The following FGD5 variants were observed in gnomAD, a reference collection of about 807,000 sequenced individuals.
The protein encoded by FGD5 is FYVE, RhoGEF and PH domain-containing protein 5.
In FGD5, 28 loss-of-function variants were observed where a neutral mutation model predicts 133.4. The observed-to-expected ratio is 0.21, with a 90% CI of 0.16 to 0.29. The LOEUF (loss-of-function observed/expected upper bound fraction) is 0.29. Ranked by LOEUF, FGD5 falls within the 10% of genes least tolerant of loss-of-function variation. The pLI, the probability that FGD5 is intolerant of heterozygous loss-of-function variation, is 1.00. For synonymous variants in FGD5, 810 were observed against 776.5 expected (o/e 1.04, Z -0.72); for missense variants, 1,858 against 1,895.2 (o/e 0.98, Z 0.36).
At chr3:14,915,555 A>G (rs969138511) in intron 11 of FGD5, among the ~76,000 whole-genome samples, 3 of 152,136 alleles carry the variant, frequency 2.0e-5, no homozygotes, top group Non-Finnish European at 4.4e-5. Flanking sequence ...TGTTGGCACC[A>G]TGTGTAGAGG....
chr3:14,896,523 T>C (rs139325822), intron 4 of FGD5, among the ~76,000 whole-genome samples: 4,588 of 151,842 alleles, frequency 0.03, 244 homozygotes, highest in East Asian at 0.22. Context: ...CAGGGTGGAG[T>C]GCAATGGCGC....
upstream of FGD5, among the ~76,000 whole-genome samples, chr3:14,815,555 A>G (rs1213791207): frequency 3.9e-5 from 6 of 152,182 alleles, no homozygotes; most frequent in Non-Finnish European, 8.8e-5. Flanking sequence ...CTCAATAAAT[A>G]TGTATTTAAT....
At chr3:14,840,167 G>T (rs1394918309) in intron 1 of FGD5, among the ~76,000 whole-genome samples, 1 of 149,346 alleles carries the variant, frequency 6.7e-6, no homozygotes, top group Non-Finnish European at 1.5e-5. Context: ...TTTTGAGATG[G>T]AATCTCGCTC....
chr3:14,923,959 C>T (rs4685234), intron 16 of FGD5, 49 bp from the exon 17 acceptor site: 1,080,906 of 1,607,874 alleles, frequency 0.67, 365,582 homozygotes, highest in African/African-American at 0.8. Flanking sequence ...AAAGACAAGC[C>T]GCAGGCACGC....
At chr3:14,910,975 A>T (rs375681202) in intron 11 of FGD5, 46 bp downstream of exon 11, 42 of 1,571,792 alleles carry the variant, frequency 2.7e-5, no homozygotes, top group Non-Finnish European at 3.4e-5. Context: ...GCCAAGTTCT[A>T]TGAGGTTTTC....
intron 1 of FGD5, among the ~76,000 whole-genome samples, chr3:14,833,025 A>G (rs2125078674): frequency 6.6e-6 from 1 of 152,336 alleles, no homozygotes; most frequent in African/African-American, 2.4e-5. Flanking sequence ...GCAGGACAAT[A>G]AACTAATAAT....
chr3:14,854,870 A>G (rs1559481340), intron 1 of FGD5, among the ~76,000 whole-genome samples: 1 of 152,210 alleles, frequency 6.6e-6, no homozygotes, highest in African/African-American at 2.4e-5. Flanking sequence ...GGGAACATTC[A>G]ATATCCTCCT....
At chr3:14,832,909 A>G (rs1217764789) in intron 1 of FGD5, among the ~76,000 whole-genome samples, 7 of 152,234 alleles carry the variant, frequency 4.6e-5, no homozygotes, top group Non-Finnish European at 1.0e-4. Flanking sequence ...TGCAGTAACA[A>G]AGGGACAATC....
intron 2 of FGD5, among the ~76,000 whole-genome samples, chr3:14,872,374 G>C (rs2037628106): frequency 2.6e-5 from 4 of 152,200 alleles, no homozygotes; most frequent in African/African-American, 9.6e-5. Flanking sequence ...TTGGAGAAGA[G>C]ACTTTATTTC....
intron 1 of FGD5, among the ~76,000 whole-genome samples, chr3:14,823,884 C>T (rs1208037802): frequency 1.3e-5 from 2 of 152,184 alleles, no homozygotes; most frequent in Non-Finnish European, 2.9e-5. Context: ...ACTTTTCATC[C>T]GGACAGTTAT....
At chr3:14,842,685 G>A (rs761741130) in intron 1 of FGD5, among the ~76,000 whole-genome samples, 15 of 152,274 alleles carry the variant, frequency 9.9e-5, no homozygotes, top group Non-Finnish European at 1.3e-4. Flanking sequence ...TGTCCTTCTC[G>A]GATAGCTTTT....
At chr3:14,865,861 T>C (rs1208681626) in intron 2 of FGD5, among the ~76,000 whole-genome samples, 3 of 152,152 alleles carry the variant, frequency 2.0e-5, no homozygotes, top group African/African-American at 7.2e-5. Context: ...AGAAGGAGTA[T>C]TGTCTCCTTG....
In FGD5 at chr3:14,820,880, C is replaced by T. The variant is rs957571121; in HGVS notation, c.1809C>T (p.Ser603=). The part of the protein sequence containing the change: ...GSFSQRNHLP[S]SGTSTPSSMV... ...TCTCCCAGAGAAACCACCTTCCGTCCAGCGGCACCTCCACGCCTTCTTCCA... is the reference window on the plus strand; with the variant it reads ...TCTCCCAGAGAAACCACCTTCCGTCTAGCGGCACCTCCACGCCTTCTTCCA... Residue 603 remains serine, a synonymous_variant, in exon 1 of 20, where the codon TCC becomes TCT. Coordinates refer to ENST00000285046, the MANE Select transcript of FGD5 (RefSeq NM_152536.4). 2 of 1,613,572 alleles carry T rather than the reference C, an allele frequency of 1.2e-6. No homozygotes were observed. The highest frequency in any genetic ancestry group is 1.7e-6 in the Non-Finnish European group (2 of 1,179,826).
intron 19 of FGD5, 106 bp downstream of exon 19, chr3:14,932,837 T>A: frequency 1.5e-6 from 2 of 1,334,194 alleles, no homozygotes; most frequent in South Asian, 1.4e-5. Context: ...CCTATCCCAT[T>A]AGGTCCCTTT....
In FGD5 at chr3:14,922,097, A is replaced by T. The variant is rs2125155335; in HGVS notation, c.3669+80A>T. ...TGGGCGGGCATTGCTGTTGCCACTC[A>T]CACCCAGATGGACGTGTAGCTCCTG... On this transcript the variant is annotated intron_variant, in intron 14 of 19. Transcript: ENST00000285046. The surrounding 1 kb of genome is among the most constrained non-coding windows in gnomAD (Gnocchi z 4.1). 7.3e-7 allele frequency: 1 copy of T among 1,379,236 alleles called. No homozygotes were observed. The highest frequency in any genetic ancestry group is 2.5e-5 in the East Asian group (1 of 40,198). The allele number at this position is 1,379,236 out of a possible 1,614,324, so 85.4% of individuals were successfully genotyped here.
chr3:14,926,173 T>G lies in FGD5; in HGVS notation c.4172T>G (p.Val1391Gly), dbSNP rs1461825292. ...CTCTGGTTTGTCATCAAAGGCAAAG[T>G]TCTCTACACCTACATGGCCAGTGAG... The part of the protein sequence containing the change: ...KKLWFVIKGK[V>G]LYTYMASEDK... The change falls in exon 18 of 20, where the codon GTT becomes GGT. Residue 1391 changes from valine to glycine, a missense_variant. By Grantham distance (109) the Val-to-Gly change is moderately radical. Transcript: ENST00000285046. 1.9e-6 allele frequency: 3 copies of G among 1,613,692 alleles called. No individual in the cohort carries two copies. The South Asian group carries it at 3.3e-5, about 18-fold the overall frequency.
rs2036426141 is a variant in FGD5 at position 14,819,000 on chromosome 3, C to A, written c.-72C>A. 1 of 1,470,004 alleles carries A rather than the reference C, an allele frequency of 6.8e-7. No individual in the cohort carries two copies. Among genetic ancestry groups the A allele is most frequent in the African/African-American group, 1.4e-5 (1 of 70,080 alleles). 91.1% of individuals were successfully genotyped at this position (1,470,004 alleles called of 1,614,324 possible). A position where few individuals can be genotyped will look rare whatever the true frequency, so the allele number is the denominator to read the frequency against. On this transcript the variant is annotated 5_prime_UTR_variant, in exon 1 of 20. Coordinates refer to ENST00000285046, the MANE Select transcript of FGD5 (RefSeq NM_152536.4). ...CGCTCCCAAGCCAAAGACTACCAGT[C>A]CACTGACGCCAGTGACCGCGCCCAA...
chr3:14,821,520 A>G lies in FGD5; in HGVS notation c.2449A>G (p.Asn817Asp), dbSNP rs2036503220. ...CAGAGCCCTGTCCACAGCAAACGAA[A>G]ATGATGGCTACGTGGACATGAGCAG... ...QSRALSTANE[N>D]DGYVDMSSFN... The change falls in exon 1 of 20, where the codon AAT becomes GAT. Residue 817 changes from asparagine to aspartate, a missense_variant. Asn to Asp is a conservative substitution (Grantham distance 23). Coordinates refer to ENST00000285046, the MANE Select transcript of FGD5 (RefSeq NM_152536.4). 6.2e-6 allele frequency: 10 copies of G among 1,613,828 alleles called. No homozygotes were observed. Among genetic ancestry groups the G allele is most frequent in the Non-Finnish European group, 8.5e-6 (10 of 1,179,878 alleles).
rs1047389034 is a variant in FGD5, at chr3:14,882,220, C to T, written c.2748+1448C>T. The stretch of plus-strand genomic sequence containing the variant: ...CATTTTTTTTTTAACTTCTCTCTCC[C>T]TTATTTCTGGGCTGACAGCATGACA... On this transcript the variant is annotated intron_variant, in intron 4 of 19. Coordinates refer to ENST00000285046, the MANE Select transcript of FGD5 (RefSeq NM_152536.4). The T allele has an allele frequency of 8.2e-6, 7 of 849,672 alleles. No homozygotes were observed. The African/African-American group carries it at 1.1e-4, about 13-fold the overall frequency. 52.6% of individuals were successfully genotyped at this position (849,672 alleles called of 1,614,324 possible). A position where few individuals can be genotyped will look rare whatever the true frequency, so the allele number is the denominator to read the frequency against.
Sources: allele counts gnomAD v4.1 joint callset (sites outside exome capture counted in the v4.1 genomes callset), GRCh38; gene constraint gnomAD v4.1.1; non-coding constraint Gnocchi (gnomAD v3.1); transcripts MANE v1.5; gene names NCBI Gene and HGNC (gene_info 2026-07-23, HGNC 2026-07-21).